TRIP12: variants seen among roughly 807,000 people sequenced by gnomAD.
TRIP12 encodes E3 ubiquitin-protein ligase TRIP12.
In TRIP12, 25 loss-of-function variants were observed where a neutral mutation model predicts 244.2. That is an observed-to-expected ratio of 0.10 (90% CI 0.07 to 0.14). The LOEUF is 0.14. TRIP12 is among the 10% of genes least tolerant of loss of function. TRIP12 has a pLI of 1.00. For missense variants in TRIP12, 1,677 were observed against 2,486.4 expected (o/e 0.67, Z 6.92); for synonymous variants, 905 against 873.1 (o/e 1.04, Z -0.64).
At chr2:229,783,211 A>T (rs1464304923) in intron 34 of TRIP12, among the ~76,000 whole-genome samples, 1 of 152,242 alleles carries the variant, frequency 6.6e-6, no homozygotes, top group Non-Finnish European at 1.5e-5. Flanking sequence ...ACAACATGTG[A>T]AAATCACATG....
intron 15 of TRIP12, 50 bp from the exon 16 acceptor site, chr2:229,808,419 A>T (rs769821582): frequency 3.2e-6 from 4 of 1,233,754 alleles, no homozygotes; most frequent in African/African-American, 1.5e-5. Flanking sequence ...TAGTTATACT[A>T]CCTCATTCAA....
At chr2:229,807,545 C>T in intron 17 of TRIP12, 163 bp downstream of exon 17, 1 of 859,586 alleles carries the variant, frequency 1.2e-6, no homozygotes, top group South Asian at 1.5e-5. Context: ...GTTTTCTGAC[C>T]TGAACAGAAA....
chr2:229,888,924 G>A (rs1047560933), intron 1 of TRIP12, among the ~76,000 whole-genome samples: 1 of 152,160 alleles, frequency 6.6e-6, no homozygotes, highest in South Asian at 2.1e-4. Flanking sequence ...ATAAAGAGAA[G>A]AGACAATAGC....
In TRIP12 at chr2:229,763,845, T is replaced by C. The variant is rs2031054418; in HGVS notation, c.*3709A>G. 1 of 152,230 alleles carries C rather than the reference T, an allele frequency of 6.6e-6. No homozygotes were observed. Among genetic ancestry groups the C allele is most frequent in the South Asian group, 2.1e-4 (1 of 4,828 alleles). The allele number at this position is 152,230 out of a possible 1,614,324, so 9.4% of individuals were successfully genotyped here. A position where few individuals can be genotyped will look rare whatever the true frequency, so the allele number is the denominator to read the frequency against. Reference sequence around the variant, plus strand: ...TAATAAAACTGACCATGTAGGATAATGCTGTTTATTAAAAATATAGTCAGG... The same window carrying C: ...TAATAAAACTGACCATGTAGGATAACGCTGTTTATTAAAAATATAGTCAGG... On this transcript the variant is annotated 3_prime_UTR_variant, in exon 42 of 42. Transcript: ENST00000675903.
intron 34 of TRIP12, among the ~76,000 whole-genome samples, chr2:229,782,785 G>A (rs777485272): frequency 2.6e-5 from 4 of 152,084 alleles, no homozygotes; most frequent in Non-Finnish European, 5.9e-5. Context: ...CTTACCATGA[G>A]CCAGTTCATG....
chr2:229,886,285 G>C (rs912204869), intron 1 of TRIP12, among the ~76,000 whole-genome samples: 2 of 152,128 alleles, frequency 1.3e-5, no homozygotes, highest in Admixed American at 6.5e-5. Flanking sequence ...AAGGGCAACA[G>C]AAATTTACTG....
At chr2:229,915,336 C>T (rs935062749) in intron 1 of TRIP12, among the ~76,000 whole-genome samples, 14 of 152,276 alleles carry the variant, frequency 9.2e-5, no homozygotes, top group East Asian at 5.8e-4. Flanking sequence ...AACAAAATGG[C>T]TTGCCCTAAT....
In TRIP12 at chr2:229,778,578, T is replaced by C. The variant is rs763244861; in HGVS notation, c.5219A>G (p.Glu1740Gly). The C allele has an allele frequency of 1.2e-6, 2 of 1,610,528 alleles. No individual in the cohort carries two copies. Among genetic ancestry groups the C allele is most frequent in the South Asian group, 2.2e-5 (2 of 90,588 alleles). ...VTLSNPKGSQ[E>G]GTKYIQNLQG... ...GAGGTTTTGAATATACTTGGTCCCT[T>C]CTTGGCTCCCTGAAAAACAAGCAAT... Residue 1740 changes from glutamate to glycine, a missense_variant, in exon 36 of 42, where the codon GAA becomes GGA. Around this residue, in one of 11 missense-constraint regions of TRIP12, gnomAD observed 18 missense variants for 16.8 expected, o/e 1.07. Coordinates refer to ENST00000675903, the MANE Select transcript of TRIP12 (RefSeq NM_001348323.3). This position sits in a 1 kb window ranked among gnomAD's most constrained non-coding sequence, Gnocchi z 4.1.
intron 18 of TRIP12, 112 bp from the exon 19 acceptor site, chr2:229,804,339 T>A: frequency 1.1e-6 from 1 of 893,458 alleles, no homozygotes. Flanking sequence ...CTATGAAAAC[T>A]TTTTCATTAT....
chr2:229,845,927 T>C (rs1348843580), intron 4 of TRIP12, among the ~76,000 whole-genome samples: 6 of 148,696 alleles, frequency 4.0e-5, no homozygotes. Flanking sequence ...CTCAGAAAGC[T>C]GAGGAAGGAG....
At chr2:229,864,047 A>AGAGAGTGTGTGT in intron 2 of TRIP12, among the ~76,000 whole-genome samples, 2 of 79,292 alleles carry the variant, frequency 2.5e-5, no homozygotes, top group Admixed American at 2.6e-4. Context: ...AGAGAGAGAG[A>AGAGAGTGTGTGT]GTGTGTGTGT....
At chr2:229,842,372 TCTAGGGAG>T (rs765349254) in intron 4 of TRIP12, among the ~76,000 whole-genome samples, 82 of 152,348 alleles carry the variant, frequency 5.4e-4, no homozygotes, top group Non-Finnish European at 9.4e-4. Flanking sequence ...TGGCAATAGA[TCTAGGGAG>T]CTAGCTTGGT....
intron 3 of TRIP12, among the ~76,000 whole-genome samples, chr2:229,859,816 A>C (rs2060174983): frequency 6.6e-6 from 1 of 152,252 alleles, no homozygotes; most frequent in Non-Finnish European, 1.5e-5. Flanking sequence ...GATTACTGAC[A>C]CTAACACTCG....
chr2:229,912,100 C>T (rs2074397673), intron 1 of TRIP12, among the ~76,000 whole-genome samples: 1 of 152,176 alleles, frequency 6.6e-6, no homozygotes, highest in Admixed American at 6.5e-5. Context: ...CTGATAGCTT[C>T]CACTAAAGGA....
At chr2:229,905,432 T>C (rs1032569968) in intron 1 of TRIP12, among the ~76,000 whole-genome samples, 3 of 152,164 alleles carry the variant, frequency 2.0e-5, no homozygotes, top group African/African-American at 4.8e-5. Context: ...TTATACACAA[T>C]AATGAATACC....
intron 1 of TRIP12, among the ~76,000 whole-genome samples, chr2:229,903,018 C>CTT (rs57794819): frequency 0.016 from 1,698 of 104,416 alleles, 28 homozygotes; most frequent in African/African-American, 0.024. Context: ...TTCTTTTTTT[C>CTT]TTTTTTTTTT....
chr2:229,879,960 C>T (rs765295678), intron 2 of TRIP12, 22 bp downstream of exon 2: 2 of 1,612,974 alleles, frequency 1.2e-6, no homozygotes, highest in African/African-American at 2.7e-5. Flanking sequence ...AATTCCTTTT[C>T]AAATTACCAT....
Position 229,858,825 on chromosome 2 carries a change from G to T in TRIP12, c.974C>A (p.Ser325Tyr). ...TCCAGGTTTTGATGTCTCTGACTTA[G>T]AAGACCCTGGAAGAGACAGTTTTGT... ...PKTKLSLPGS[S>Y]KSETSKPGPS... Residue 325 changes from serine to tyrosine, a missense_variant, in exon 4 of 42, where the codon TCT becomes TAT. By Grantham distance (144) the Ser-to-Tyr change is moderately radical. Coordinates refer to ENST00000675903, the MANE Select transcript of TRIP12 (RefSeq NM_001348323.3). 6.2e-7 allele frequency: 1 copy of T among 1,613,204 alleles called. No individual in the cohort carries two copies. Among genetic ancestry groups the T allele is most frequent in the Non-Finnish European group, 8.5e-7 (1 of 1,179,290 alleles).
intron 1 of TRIP12, among the ~76,000 whole-genome samples, chr2:229,884,015 G>A (rs1448466473): frequency 6.6e-6 from 1 of 151,680 alleles, no homozygotes; most frequent in Non-Finnish European, 1.5e-5. Flanking sequence ...GGAGGGTGAG[G>A]CAGGAGAATC....
Sources: gnomAD v4.1 joint callset for allele counts (sites outside exome capture counted in the v4.1 genomes callset) on GRCh38, gnomAD v4.1.1 for gene constraint, gnomAD v4.1.1 regional missense constraint, Gnocchi (gnomAD v3.1) non-coding constraint, MANE v1.5 for transcripts, NCBI Gene and HGNC (gene_info 2026-07-23, HGNC 2026-07-21) for gene names.